KHDRBS3: variants seen among roughly 807,000 people sequenced by gnomAD.
KHDRBS3 encodes the protein KH domain-containing, RNA-binding, signal transduction-associated protein 3.
A neutral mutation model predicts 45.6 loss-of-function variants in KHDRBS3; 23 were observed. The ratio of observed to expected loss-of-function variants is 0.50; its 90% CI spans 0.36 to 0.72. The LOEUF is 0.72. KHDRBS3 is among the 30% of genes least tolerant of loss of function. The probability of loss-of-function intolerance (pLI) is 0.00; values close to 1 mark genes in which losing one functional copy is unlikely to be tolerated. For missense variants in KHDRBS3, 352 were observed against 424.8 expected (o/e 0.83, Z 1.51); for synonymous variants, 162 against 156.5 (o/e 1.04, Z -0.26).
chr8:135,545,747 C>T (rs1024754731), intron 3 of KHDRBS3, among the ~76,000 whole-genome samples: 5 of 152,172 alleles, frequency 3.3e-5, no homozygotes, highest in South Asian at 2.1e-4. Flanking sequence ...TCCCATACTG[C>T]GCTGTAGCCT....
intron 2 of KHDRBS3, among the ~76,000 whole-genome samples, chr8:135,521,985 A>G (rs908375333): frequency 6.6e-6 from 1 of 152,082 alleles, no homozygotes; most frequent in South Asian, 2.1e-4. Flanking sequence ...GTTCTGGGAT[A>G]CATGTGCAGG....
chr8:135,509,083 A>G (rs1458322142), intron 1 of KHDRBS3, among the ~76,000 whole-genome samples: 1 of 152,190 alleles, frequency 6.6e-6, no homozygotes, highest in Non-Finnish European at 1.5e-5. Flanking sequence ...GATATAATTT[A>G]GTTTGTACTA....
Position 135,573,528 on chromosome 8 carries a change from A to G in KHDRBS3, c.612-8350A>G, listed in dbSNP as rs534830999. On this transcript the variant is annotated intron_variant, in intron 5 of 8. Coordinates refer to ENST00000355849, the MANE Select transcript of KHDRBS3 (RefSeq NM_006558.3). The stretch of plus-strand genomic sequence containing the variant: ...TACATACCCAGGGTGTAAACATCGC[A>G]GCTATTCTGCCATAGGATTTATTAA... Among the ~76,000 whole-genome samples, 46 of 152,312 alleles carry G rather than the reference A, an allele frequency of 3.0e-4. No homozygotes were observed. In the South Asian group the frequency reaches 9.3e-3, roughly 31 times the overall value.
chr8:135,568,804 T>C (rs1563774646), intron 5 of KHDRBS3, among the ~76,000 whole-genome samples: 1 of 152,214 alleles, frequency 6.6e-6, no homozygotes, highest in Non-Finnish European at 1.5e-5. Context: ...GAATTCTCTT[T>C]TCCAGCCCAT....
intron 1 of KHDRBS3, among the ~76,000 whole-genome samples, chr8:135,464,803 A>G (rs1286811589): frequency 1.3e-5 from 2 of 152,230 alleles, no homozygotes. Flanking sequence ...GGAAGGTCAC[A>G]TAATTTGCCT....
At chr8:135,484,055 C>A (rs909878871) in intron 1 of KHDRBS3, among the ~76,000 whole-genome samples, 1 of 152,074 alleles carries the variant, frequency 6.6e-6, no homozygotes, top group South Asian at 2.1e-4. Flanking sequence ...AGTAATTTAA[C>A]CCCTCACTAC....
chr8:135,515,362 T>A (rs1156493202), intron 1 of KHDRBS3, among the ~76,000 whole-genome samples: 1 of 35,732 alleles, frequency 2.8e-5, no homozygotes, highest in African/African-American at 9.4e-5. Context: ...CGAGACTCCG[T>A]CTTAAAAAAA....
At chr8:135,632,490 A>T (rs1415604707) in intron 7 of KHDRBS3, among the ~76,000 whole-genome samples, 1 of 151,608 alleles carries the variant, frequency 6.6e-6, no homozygotes, top group Non-Finnish European at 1.5e-5. Flanking sequence ...TCCCAGATTT[A>T]TGTCTGCAGG....
chr8:135,655,225 A>G (rs2131225227), intron 4 of KHDRBS3, among the ~76,000 whole-genome samples: 1 of 152,342 alleles, frequency 6.6e-6, no homozygotes, highest in South Asian at 2.1e-4. Flanking sequence ...GATTCATCCT[A>G]GCAGTACTGA....
chr8:135,585,283 G>C (rs1828417999), intron 6 of KHDRBS3, among the ~76,000 whole-genome samples: 1 of 150,682 alleles, frequency 6.6e-6, no homozygotes, highest in South Asian at 2.1e-4. Context: ...ATTTTAGATA[G>C]GGTGGGTGTA....
intron 3 of KHDRBS3, among the ~76,000 whole-genome samples, chr8:135,545,264 G>T (rs1314853622): frequency 6.6e-6 from 1 of 152,106 alleles, no homozygotes; most frequent in East Asian, 1.9e-4. Flanking sequence ...TAGGCCAGGA[G>T]ATGATAAGGA....
At chr8:135,552,626 G>C (rs923686481) in intron 4 of KHDRBS3, among the ~76,000 whole-genome samples, 2 of 151,934 alleles carry the variant, frequency 1.3e-5, no homozygotes, top group Non-Finnish European at 2.9e-5. Flanking sequence ...TCCCAGAGGA[G>C]TTTTTGTTGC....
At chr8:135,572,693 G>A (rs1563777118) in intron 5 of KHDRBS3, among the ~76,000 whole-genome samples, 2 of 152,224 alleles carry the variant, frequency 1.3e-5, no homozygotes, top group South Asian at 2.1e-4. Flanking sequence ...GCGCATGAAC[G>A]CATGAGATGC....
chr8:135,653,058 C>A (rs566621637), intron 4 of KHDRBS3, among the ~76,000 whole-genome samples: 1 of 152,126 alleles, frequency 6.6e-6, no homozygotes, highest in East Asian at 1.9e-4. Context: ...CTGCTGCTGG[C>A]GGGATTTGTG....
chr8:135,542,256 C>T (rs1458451253), intron 2 of KHDRBS3: 1 of 156,610 alleles, frequency 6.4e-6, no homozygotes, highest in Admixed American at 6.4e-5. Context: ...ACCAGGTATT[C>T]CACAGTGACC....
chr8:135,617,306 G>A (rs1288271551), intron 7 of KHDRBS3, among the ~76,000 whole-genome samples: 1 of 149,190 alleles, frequency 6.7e-6, no homozygotes, highest in Non-Finnish European at 1.5e-5. Context: ...CAGAGACAGA[G>A]TCTTACTCTG....
At chr8:135,472,365 G>A (rs978731623) in intron 1 of KHDRBS3, among the ~76,000 whole-genome samples, 1 of 152,284 alleles carries the variant, frequency 6.6e-6, no homozygotes, top group South Asian at 2.1e-4. Context: ...CCAGACACAC[G>A]ATGAGGATTC....
chr8:135,555,855 C>CA, intron 4 of KHDRBS3, among the ~76,000 whole-genome samples: 1 of 152,170 alleles, frequency 6.6e-6, no homozygotes, highest in Admixed American at 6.6e-5. Flanking sequence ...CCGTCACCTA[C>CA]GTTAATTCTC....
chr8:135,630,130 C>T (rs1225793296), intron 7 of KHDRBS3, among the ~76,000 whole-genome samples: 1 of 152,180 alleles, frequency 6.6e-6, no homozygotes, highest in East Asian at 1.9e-4. Flanking sequence ...GAACCTGGAA[C>T]AAGTAATTGC....
Sources: gnomAD v4.1 joint callset for allele counts (sites outside exome capture counted in the v4.1 genomes callset) on GRCh38, gnomAD v4.1.1 for gene constraint, MANE v1.5 for transcripts, NCBI Gene and HGNC (gene_info 2026-07-23, HGNC 2026-07-21) for gene names.